Variants in ARB2A observed in about 807,000 individuals in gnomAD.
ARB2A encodes ARB2 cotranscriptional regulator A, also known as cotranscriptional regulator ARB2A.
chr5:93,658,658 G>T, the ARB2A span, among the ~76,000 whole-genome samples: 1 of 151,996 alleles, frequency 6.6e-6, no homozygotes. Flanking sequence ...TGACTTCTTT[G>T]GCATTTACTG....
the ARB2A span, among the ~76,000 whole-genome samples, chr5:93,762,584 C>T: frequency 6.6e-6 from 1 of 152,146 alleles, no homozygotes; most frequent in African/African-American, 2.4e-5. Context: ...ATTGGTGTAC[C>T]TGAAAGTGAT....
the ARB2A span, among the ~76,000 whole-genome samples, chr5:94,099,300 C>T: frequency 1.3e-5 from 2 of 152,040 alleles, no homozygotes; most frequent in African/African-American, 4.8e-5. Context: ...GGCTTCATCC[C>T]CAGGATGCAA....
the ARB2A span, among the ~76,000 whole-genome samples, chr5:93,622,029 C>G: frequency 1.7e-4 from 26 of 152,206 alleles, no homozygotes; most frequent in African/African-American, 5.8e-4. Flanking sequence ...AGCATGTTTT[C>G]AAATCAAATC....
chr5:93,826,642 T>C, the ARB2A span, among the ~76,000 whole-genome samples: 23 of 152,104 alleles, frequency 1.5e-4, no homozygotes, highest in African/African-American at 4.6e-4. Context: ...ATGTGCACAA[T>C]GTGCAGGTTT....
At chr5:94,061,005 G>A in the ARB2A span, among the ~76,000 whole-genome samples, 12 of 152,158 alleles carry the variant, frequency 7.9e-5, no homozygotes, top group African/African-American at 1.2e-4. Flanking sequence ...TTCGGAGGCC[G>A]AGACAGGTGG....
chr5:94,084,035 A>C, the ARB2A span, among the ~76,000 whole-genome samples: 1 of 152,012 alleles, frequency 6.6e-6, no homozygotes, highest in South Asian at 2.1e-4. Flanking sequence ...CACTTTGGGA[A>C]GCCAAGGCAG....
At chr5:94,085,394 G>C in the ARB2A span, among the ~76,000 whole-genome samples, 1 of 152,206 alleles carries the variant, frequency 6.6e-6, no homozygotes, top group Admixed American at 6.5e-5. Flanking sequence ...ATATTGGCAA[G>C]TTCTGCAATC....
At chr5:93,624,381 A>G in the ARB2A span, among the ~76,000 whole-genome samples, 13 of 152,128 alleles carry the variant, frequency 8.5e-5, no homozygotes, top group Non-Finnish European at 1.8e-4. Context: ...CAAACCAATA[A>G]TTTTCCTAAT....
At chr5:93,702,829 A>G in the ARB2A span, among the ~76,000 whole-genome samples, 1 of 152,248 alleles carries the variant, frequency 6.6e-6, no homozygotes, top group Admixed American at 6.5e-5. Flanking sequence ...GTTCACAGAT[A>G]TTTTCAAGTT....
chr5:93,829,350 T>C, the ARB2A span, among the ~76,000 whole-genome samples: 1 of 152,264 alleles, frequency 6.6e-6, no homozygotes, highest in Non-Finnish European at 1.5e-5. Context: ...ATAGTGATCT[T>C]TGTGCTCTGC....
At chr5:93,683,565 C>T in the ARB2A span, 3 of 1,436,566 alleles carry the variant, frequency 2.1e-6, no homozygotes, top group Admixed American at 5.0e-5. Context: ...TCCTTTGCAC[C>T]AGCCCTAAAC....
the ARB2A span, among the ~76,000 whole-genome samples, chr5:93,820,579 T>C: frequency 6.6e-6 from 1 of 152,220 alleles, no homozygotes; most frequent in East Asian, 1.9e-4. Context: ...AAATGCATTC[T>C]AATTATGGTT....
At chr5:93,650,427 C>T in the ARB2A span, among the ~76,000 whole-genome samples, 292 of 151,840 alleles carry the variant, frequency 1.9e-3, 3 homozygotes, top group African/African-American at 6.7e-3. Context: ...AAAACCTCAA[C>T]GAACTTGAAA....
the ARB2A span, among the ~76,000 whole-genome samples, chr5:93,662,767 C>G: frequency 3.5e-4 from 54 of 152,342 alleles, 1 homozygote; most frequent in Middle Eastern, 3.4e-3. Context: ...CAAGGCTGCT[C>G]TTTTGTAACT....
At chr5:93,686,835 G>A in the ARB2A span, among the ~76,000 whole-genome samples, 3 of 151,370 alleles carry the variant, frequency 2.0e-5, no homozygotes, top group Admixed American at 2.0e-4. Flanking sequence ...CTCTCCAAAT[G>A]TTATCATTTA....
chr5:93,964,233 G>A, the ARB2A span, among the ~76,000 whole-genome samples: 10 of 151,832 alleles, frequency 6.6e-5, no homozygotes, highest in Non-Finnish European at 8.8e-5. Context: ...ACTAGAAATC[G>A]GTTTTTACTT....
the ARB2A span, among the ~76,000 whole-genome samples, chr5:93,704,259 A>T: frequency 6.6e-6 from 1 of 152,164 alleles, no homozygotes; most frequent in Non-Finnish European, 1.5e-5. Context: ...GGTTCTTTTT[A>T]TTATTTCTGC....
chr5:94,108,025 G>C, the ARB2A span, among the ~76,000 whole-genome samples: 2 of 151,972 alleles, frequency 1.3e-5, no homozygotes, highest in Non-Finnish European at 2.9e-5. Context: ...CACTATTACT[G>C]ATCTTTGCCA....
At chr5:93,740,585 TGAG>T in the ARB2A span, 3,163 of 1,592,354 alleles carry the variant, frequency 2.0e-3, 3 homozygotes, top group Non-Finnish European at 2.5e-3. Flanking sequence ...CCCTAAAATC[TGAG>T]GAGGCCCAGA....
Sources: allele counts gnomAD v4.1 joint callset (sites outside exome capture counted in the v4.1 genomes callset), GRCh38; gene constraint gnomAD v4.1.1; transcripts MANE v1.5; gene names NCBI Gene and HGNC (gene_info 2026-07-23, HGNC 2026-07-21).